Variants in E2F7 observed in about 807,000 individuals in gnomAD.
E2F7 encodes E2F transcription factor 7.
E2F7 carries 35 observed loss-of-function variants against 81.1 expected under a neutral mutation model. The ratio of observed to expected loss-of-function variants is 0.43; its 90% CI spans 0.33 to 0.57. The LOEUF is 0.57. E2F7 is among the 20% of genes least tolerant of loss of function. E2F7 has a pLI of 0.04. For missense variants in E2F7, 961 were observed against 1,093.7 expected, an observed-to-expected ratio of 0.88 and a Z score of 1.71; for synonymous variants, 416 against 416.2, an observed-to-expected ratio of 1.00 and a Z score of 0.01.
chr12:77,032,373 T>C (rs1394290634), intron 9 of E2F7, among the ~76,000 whole-genome samples: 2 of 152,234 alleles, frequency 1.3e-5, no homozygotes, highest in African/African-American at 4.8e-5. Flanking sequence ...GAGCCAGGCT[T>C]TGGTATCTTC....
At chr12:77,047,457 A>C (rs1288243752) in intron 4 of E2F7, among the ~76,000 whole-genome samples, 1 of 152,164 alleles carries the variant, frequency 6.6e-6, no homozygotes, top group East Asian at 1.9e-4. Context: ...GATTTTAAAA[A>C]TCTCACGTCT....
intron 2 of E2F7, among the ~76,000 whole-genome samples, chr12:77,063,708 C>G (rs1955096176): frequency 6.6e-6 from 1 of 152,142 alleles, no homozygotes; most frequent in African/African-American, 2.4e-5. Flanking sequence ...CCTAAATTAG[C>G]AATTATCAAG....
Position 77,028,559 on chromosome 12 carries a change from C to T in E2F7, c.1885-421G>A, listed in dbSNP as rs912687305. Among the ~76,000 whole-genome samples the T allele has an allele frequency of 3.4e-4, 52 of 151,956 alleles. 1 individual carries two copies. Among genetic ancestry groups the T allele is most frequent in the Admixed American group, 9.2e-4 (14 of 15,250 alleles). The stretch of plus-strand genomic sequence containing the variant: ...CTCGGCTCACTGCAAGCTCTGCCTC[C>T]TGGGTTCACACCATTCTCCTGCCTC... On this transcript the variant is annotated intron_variant, in intron 10 of 12. Transcript: ENST00000322886.
At chr12:77,059,674 T>C (rs908639953) in intron 2 of E2F7, among the ~76,000 whole-genome samples, 2 of 152,146 alleles carry the variant, frequency 1.3e-5, no homozygotes, top group Non-Finnish European at 2.9e-5. Context: ...CCTGTACTCA[T>C]TGGCTGGTAG....
intron 9 of E2F7, among the ~76,000 whole-genome samples, chr12:77,032,369 G>A (rs915374639): frequency 1.3e-5 from 2 of 152,236 alleles, no homozygotes; most frequent in Non-Finnish European, 2.9e-5. Flanking sequence ...AAACGAGCCA[G>A]GCTTTGGTAT....
chr12:77,050,826 A>C (rs1244625102), intron 3 of E2F7, 82 bp from the exon 4 acceptor site: 1 of 1,412,874 alleles, frequency 7.1e-7, no homozygotes, highest in East Asian at 2.3e-5. Context: ...AGTGTTGGCA[A>C]ACTGGGGGGA....
intron 7 of E2F7, among the ~76,000 whole-genome samples, chr12:77,036,744 ATT>A (rs35187102): frequency 1.5e-4 from 21 of 136,038 alleles, no homozygotes; most frequent in South Asian, 2.4e-4. Flanking sequence ...AGAATTCTCC[ATT>A]TTTTTTTTTT....
In E2F7 at chr12:77,023,990, C is replaced by T. The variant is rs1287723438; in HGVS notation, c.*25G>A. 1 of 1,610,586 alleles carries T rather than the reference C, an allele frequency of 6.2e-7. No individual in the cohort carries two copies. The highest frequency in any genetic ancestry group is 8.5e-7 in the Non-Finnish European group (1 of 1,178,900). Reference sequence around the variant, plus strand: ...CCGGGACTCTCAGGGCGTTTGATCCCACCCCCACCTGGCAAAGCGGCAGGT... The same window carrying T: ...CCGGGACTCTCAGGGCGTTTGATCCTACCCCCACCTGGCAAAGCGGCAGGT... On this transcript the variant is annotated 3_prime_UTR_variant, in exon 13 of 13. Coordinates refer to ENST00000322886, the MANE Select transcript of E2F7 (RefSeq NM_203394.3).
At chr12:77,059,960 CAA>C (rs59663589) in intron 2 of E2F7, among the ~76,000 whole-genome samples, 3,467 of 77,088 alleles carry the variant, frequency 0.045, 41 homozygotes, top group African/African-American at 0.063. Flanking sequence ...GATTCTGTCT[CAA>C]AAAAAAAAAA....
chr12:77,052,784 T>C (rs987436270), intron 3 of E2F7, among the ~76,000 whole-genome samples: 7 of 152,044 alleles, frequency 4.6e-5, no homozygotes, highest in Non-Finnish European at 1.0e-4. Context: ...AATAAAGGTT[T>C]AGTATCATTA....
chr12:77,064,614 G>T lies in E2F7; in HGVS notation c.22C>A (p.Leu8Ile). 8 of 1,613,878 alleles carry T rather than the reference G, an allele frequency of 5.0e-6. No homozygotes were observed. Among genetic ancestry groups the T allele is most frequent in the Non-Finnish European group, 6.8e-6 (8 of 1,179,942 alleles). Residue 8 changes from leucine to isoleucine, a missense_variant, in exon 2 of 13, where the codon CTA (leucine) becomes ATA (isoleucine). Coordinates refer to ENST00000322886, the MANE Select transcript of E2F7 (RefSeq NM_203394.3). The stretch of plus-strand genomic sequence containing the variant: ...TGCCTGGGGCTGATCAGGTCTTTTA[G>T]TGTTAAACAATTTACCTCCATCTGT... Reference protein sequence around the residue: MEVNCLTLKDLISPRQPR... With the variant: MEVNCLTIKDLISPRQPR...
chr12:77,024,784 T>C (rs886377821), intron 12 of E2F7, among the ~76,000 whole-genome samples: 1 of 152,250 alleles, frequency 6.6e-6, no homozygotes, highest in African/African-American at 2.4e-5. Flanking sequence ...ATAATCATCT[T>C]GTTTCAAACC....
rs1954824700 is a variant in E2F7 at position 77,033,755 on chromosome 12, G to A, written c.1309+102C>T. 6.6e-6 allele frequency: 8 copies of A among 1,210,452 alleles called. No individual in the cohort carries two copies. The South Asian group carries it at 1.3e-4, about 20-fold the overall frequency. 75.0% of individuals were successfully genotyped at this position (1,210,452 alleles called of 1,614,324 possible). On this transcript the variant is annotated intron_variant, in intron 8 of 12. Transcript: ENST00000322886. ...CACTGGAAAAAACAGCCAGGGCTGAGAGTCAGTTTGTTTTAAAACGCCAGC... is the reference window on the plus strand; with the variant it reads ...CACTGGAAAAAACAGCCAGGGCTGAAAGTCAGTTTGTTTTAAAACGCCAGC...
chr12:77,038,058 C>T (rs963229724), intron 7 of E2F7, among the ~76,000 whole-genome samples: 1 of 152,068 alleles, frequency 6.6e-6, no homozygotes, highest in Non-Finnish European at 1.5e-5. Flanking sequence ...TAAAGAGGGT[C>T]ATTTTATAAT....
At chr12:77,033,746 C>A in intron 8 of E2F7, 111 bp downstream of exon 8, 1 of 1,148,016 alleles carries the variant, frequency 8.7e-7, no homozygotes, top group Non-Finnish European at 1.2e-6. Context: ...AAAAAACAGC[C>A]AGGGCTGAGA....
chr12:77,034,171 C>A (rs1565728), intron 7 of E2F7, 129 bp from the exon 8 acceptor site: 3 of 716,586 alleles, frequency 4.2e-6, no homozygotes, highest in Non-Finnish European at 4.1e-6. Flanking sequence ...AAAACTAAGA[C>A]AATCAAAGGA....
chr12:77,046,165 T>C lies in E2F7; in HGVS notation c.702A>G (p.Gln234=). 1 of 1,614,206 alleles carries C rather than the reference T, an allele frequency of 6.2e-7. No individual in the cohort carries two copies. The highest frequency in any genetic ancestry group is 8.5e-7 in the Non-Finnish European group (1 of 1,180,028). ...GCTCTTTCTGTTGGAGGTAGGCCAT[T>C]TGCTCTTCATATTTCTGCTCCTCTC... ...RLGEEQKYEE[Q]MAYLQQKELD... is the part of the protein sequence containing the mutation. Residue 234 remains glutamine, a synonymous_variant, in exon 5 of 13, where the codon CAA becomes CAG. Transcript: ENST00000322886.
intron 7 of E2F7, among the ~76,000 whole-genome samples, chr12:77,034,550 C>T (rs903191925): frequency 5.9e-5 from 9 of 152,186 alleles, no homozygotes; most frequent in East Asian, 3.8e-4. Context: ...TCAGTTACTA[C>T]GTGACCAAAG....
At chr12:77,034,604 A>T (rs577658753) in intron 7 of E2F7, among the ~76,000 whole-genome samples, 4 of 152,252 alleles carry the variant, frequency 2.6e-5, no homozygotes, top group Non-Finnish European at 4.4e-5. Context: ...GCTGCAGAAC[A>T]GTGAGATAAT....
Sources: allele counts gnomAD v4.1 joint callset (sites outside exome capture counted in the v4.1 genomes callset), GRCh38; gene constraint gnomAD v4.1.1; transcripts MANE v1.5; gene names NCBI Gene and HGNC (gene_info 2026-07-23, HGNC 2026-07-21).